The following KHDRBS2 variants were observed in gnomAD, a reference collection of about 807,000 sequenced individuals.
KHDRBS2 encodes the protein KH domain-containing, RNA-binding, signal transduction-associated protein 2.
Under a neutral mutation model 44.3 loss-of-function variants are expected in KHDRBS2, and 26 were observed. The ratio of observed to expected loss-of-function variants is 0.59; its 90% CI spans 0.43 to 0.81. KHDRBS2 has a LOEUF of 0.81. Ranked by LOEUF, KHDRBS2 falls within the 40% of genes least tolerant of loss-of-function variation. The pLI, the probability that KHDRBS2 is intolerant of heterozygous loss-of-function variation, is 0.00. For synonymous variants in KHDRBS2, 194 were observed against 151.1 expected (o/e 1.28, Z -2.08); for missense variants, 476 against 433.1 (o/e 1.10, Z -0.88).
chr6:61,990,778 C>T (rs533841748), intron 3 of KHDRBS2, among the ~76,000 whole-genome samples: 2 of 151,484 alleles, frequency 1.3e-5, no homozygotes, highest in East Asian at 3.9e-4. Context: ...GGTGCGATCT[C>T]GGCTCACTGC....
intron 8 of KHDRBS2, among the ~76,000 whole-genome samples, chr6:61,696,937 A>G (rs1767972145): frequency 6.6e-6 from 1 of 152,170 alleles, no homozygotes; most frequent in South Asian, 2.1e-4. Flanking sequence ...AACATACAAG[A>G]CGCTATTCAG....
chr6:62,193,867 G>T (rs1352146357), intron 1 of KHDRBS2, among the ~76,000 whole-genome samples: 1 of 151,954 alleles, frequency 6.6e-6, no homozygotes, highest in Non-Finnish European at 1.5e-5. Context: ...TTGTAAATTT[G>T]CTACCTTCTA....
At chr6:61,777,441 G>A (rs1162269581) in intron 6 of KHDRBS2, among the ~76,000 whole-genome samples, 2 of 152,140 alleles carry the variant, frequency 1.3e-5, no homozygotes, top group African/African-American at 4.8e-5. Context: ...AATGCTAGAG[G>A]AGGTTATCAA....
At chr6:62,023,533 G>T (rs1225273153) in intron 3 of KHDRBS2, among the ~76,000 whole-genome samples, 1 of 151,440 alleles carries the variant, frequency 6.6e-6, no homozygotes, top group African/African-American at 2.4e-5. Context: ...TATGTGGAAA[G>T]AAATATTTTT....
intron 1 of KHDRBS2, among the ~76,000 whole-genome samples, chr6:62,270,424 G>T (rs570576717): frequency 1.3e-5 from 2 of 149,086 alleles, no homozygotes; most frequent in African/African-American, 4.9e-5. Flanking sequence ...CTCACCAGAA[G>T]CAGATGCTGG....
intron 4 of KHDRBS2, among the ~76,000 whole-genome samples, chr6:61,905,019 G>A (rs1449107860): frequency 6.6e-6 from 1 of 152,086 alleles, no homozygotes; most frequent in Admixed American, 6.5e-5. Flanking sequence ...GATTAAATTG[G>A]ACTGCTTGTT....
At chr6:61,829,319 G>A (rs1041639100) in intron 6 of KHDRBS2, among the ~76,000 whole-genome samples, 85 of 152,132 alleles carry the variant, frequency 5.6e-4, no homozygotes, top group African/African-American at 1.9e-3. Context: ...CCACCGCCAC[G>A]CTCAGCTAAA....
Position 61,795,144 on chromosome 6 carries a change from C to CAAAA in KHDRBS2, c.811-62384_811-62381dup, listed in dbSNP as rs1166333660. Among the ~76,000 whole-genome samples, 9 of 59,662 alleles carry CAAAA rather than the reference C, an allele frequency of 1.5e-4. 2 individuals carry two copies. The South Asian group carries it at 2.6e-3, about 17-fold the overall frequency. 39.1% of individuals were successfully genotyped at this position (59,662 alleles called of 152,430 possible). On this transcript the variant is annotated intron_variant, in intron 6 of 8. Transcript: ENST00000281156. ...CTGGCAACAGAGCGAGACTCCGTCT[C>CAAAA]AAAAAAAAAAAAAAAAAAAAAAAAA...
intron 2 of KHDRBS2, among the ~76,000 whole-genome samples, chr6:62,057,180 C>T (rs758790150): frequency 2.6e-5 from 4 of 151,854 alleles, no homozygotes; most frequent in Non-Finnish European, 4.4e-5. Flanking sequence ...TATAAAAGTA[C>T]AATCTACCAT....
At chr6:61,657,595 A>G in the KHDRBS2 span, among the ~76,000 whole-genome samples, 8 of 151,948 alleles carry the variant, frequency 5.3e-5, no homozygotes, top group Non-Finnish European at 1.2e-4. Flanking sequence ...AACGTGTCCT[A>G]CAAAAAATGT....
chr6:61,658,283 C>A, the KHDRBS2 span, among the ~76,000 whole-genome samples: 33 of 151,726 alleles, frequency 2.2e-4, no homozygotes, highest in African/African-American at 7.5e-4. Context: ...TTGAACATTT[C>A]CAGGTATTTA....
intron 6 of KHDRBS2, among the ~76,000 whole-genome samples, chr6:61,855,205 T>C (rs973391384): frequency 1.1e-4 from 16 of 152,120 alleles, no homozygotes; most frequent in African/African-American, 3.6e-4. Context: ...TAAAGATTAA[T>C]TCTGTAAGTA....
intron 2 of KHDRBS2, among the ~76,000 whole-genome samples, chr6:62,078,922 T>C (rs894254550): frequency 2.0e-5 from 3 of 152,090 alleles, no homozygotes; most frequent in Non-Finnish European, 4.4e-5. Flanking sequence ...AGAAGTCAGC[T>C]ATATTTTTAA....
At chr6:62,162,033 G>A (rs1007189527) in intron 2 of KHDRBS2, among the ~76,000 whole-genome samples, 1 of 151,974 alleles carries the variant, frequency 6.6e-6, no homozygotes, top group African/African-American at 2.4e-5. Flanking sequence ...AGTAAAAAGT[G>A]AAGTTACAAT....
chr6:62,113,894 C>A (rs1805597572), intron 2 of KHDRBS2, among the ~76,000 whole-genome samples: 1 of 152,042 alleles, frequency 6.6e-6, no homozygotes, highest in Non-Finnish European at 1.5e-5. Flanking sequence ...TGAAGAAATA[C>A]CCGAGACTGG....
the KHDRBS2 span, among the ~76,000 whole-genome samples, chr6:61,581,213 T>G: frequency 6.6e-6 from 1 of 152,000 alleles, no homozygotes; most frequent in Non-Finnish European, 1.5e-5. Flanking sequence ...TGCATTGCCA[T>G]GCAAATGTGC....
chr6:61,835,011 T>C (rs1262675501), intron 6 of KHDRBS2, among the ~76,000 whole-genome samples: 1 of 152,086 alleles, frequency 6.6e-6, no homozygotes, highest in African/African-American at 2.4e-5. Context: ...AAAGTACATT[T>C]GTCAGGGTTT....
chr6:62,046,440 A>G (rs780913026), intron 3 of KHDRBS2, among the ~76,000 whole-genome samples: 44 of 151,988 alleles, frequency 2.9e-4, no homozygotes, highest in Non-Finnish European at 3.1e-4. Context: ...ATAAAAGAGT[A>G]CTTAGCCTAT....
At chr6:61,904,505 C>T (rs1437038726) in intron 4 of KHDRBS2, among the ~76,000 whole-genome samples, 1 of 152,168 alleles carries the variant, frequency 6.6e-6, no homozygotes, top group East Asian at 1.9e-4. Context: ...TACAGACCAG[C>T]AACTACAGAT....
Sources: gnomAD v4.1 joint callset for allele counts (sites outside exome capture counted in the v4.1 genomes callset) on GRCh38, gnomAD v4.1.1 for gene constraint, MANE v1.5 for transcripts, NCBI Gene and HGNC (gene_info 2026-07-23, HGNC 2026-07-21) for gene names.